GXYLT2: variants seen among roughly 807,000 people sequenced by gnomAD.
The protein encoded by GXYLT2 is glycosyltransferase 8 domain containing 4.
In GXYLT2, 53 loss-of-function variants were observed where a neutral mutation model predicts 45.8. That is an observed-to-expected ratio of 1.16 (90% CI 0.93 to 1.46). GXYLT2 has a LOEUF of 1.46. Ranked by LOEUF, GXYLT2 falls within the 40% of genes most tolerant of loss-of-function variation. The pLI is 0.00. For synonymous variants in GXYLT2, 219 were observed against 214.2 expected (o/e 1.02, Z -0.19); for missense variants, 551 against 544.4 (o/e 1.01, Z -0.12).
At chr3:72,963,167 A>T (rs931233099) in intron 5 of GXYLT2, among the ~76,000 whole-genome samples, 2 of 151,834 alleles carry the variant, frequency 1.3e-5, no homozygotes, top group Non-Finnish European at 2.9e-5. Flanking sequence ...AAAAATACAT[A>T]AAAAATAAAA....
rs192613768 is a variant in GXYLT2 at position 72,897,472 on chromosome 3, A to G, written c.275+8964A>G. Among the ~76,000 whole-genome samples the G allele has an allele frequency of 2.0e-4, 31 of 152,282 alleles. No individual in the cohort carries two copies. In the East Asian group the frequency reaches 6.0e-3, roughly 29 times the overall value. ...TGCCTCTGTTGACCTCACTTGAATAACATGTGTTTCCAATCACCGATGGCT... is the reference window on the plus strand; with the variant it reads ...TGCCTCTGTTGACCTCACTTGAATAGCATGTGTTTCCAATCACCGATGGCT... On this transcript the variant is annotated intron_variant, in intron 1 of 6. Coordinates refer to ENST00000389617, the MANE Select transcript of GXYLT2 (RefSeq NM_001080393.2).
intron 6 of GXYLT2, among the ~76,000 whole-genome samples, chr3:72,970,573 G>C (rs755222740): frequency 6.6e-6 from 1 of 152,048 alleles, no homozygotes; most frequent in Non-Finnish European, 1.5e-5. Context: ...GAAATTCGCA[G>C]AGTTGGCTGA....
intron 5 of GXYLT2, among the ~76,000 whole-genome samples, chr3:72,962,122 G>T (rs1468360177): frequency 6.6e-6 from 1 of 152,126 alleles, no homozygotes; most frequent in South Asian, 2.1e-4. Flanking sequence ...GCCCTTGAGC[G>T]TGCAACCACA....
In GXYLT2 at chr3:72,944,253, C is replaced by CT. The variant is rs1461671454; in HGVS notation, c.601-10836dup. Among the ~76,000 whole-genome samples the CT allele has an allele frequency of 8.2e-4, 39 of 47,400 alleles. 1 individual carries two copies. The South Asian group carries it at 0.011, about 14-fold the overall frequency. 31.1% of individuals were successfully genotyped at this position (47,400 alleles called of 152,430 possible). A position where few individuals can be genotyped will look rare whatever the true frequency, so the allele number is the denominator to read the frequency against. ...CAGGCACATGTCACCACACCTGGCT[C>CT]TTTTTTTTTCTTTTTTTTTTTGAGA... On this transcript the variant is annotated intron_variant, in intron 3 of 6. Coordinates refer to ENST00000389617, the MANE Select transcript of GXYLT2 (RefSeq NM_001080393.2).
chr3:72,940,943 G>A (rs943153933), intron 3 of GXYLT2, among the ~76,000 whole-genome samples: 3 of 152,160 alleles, frequency 2.0e-5, no homozygotes, highest in African/African-American at 7.2e-5. Context: ...GTCTCCCAAA[G>A]TGCTGGGATT....
chr3:72,946,366 G>C (rs912780261), intron 3 of GXYLT2, among the ~76,000 whole-genome samples: 3 of 151,242 alleles, frequency 2.0e-5, no homozygotes, highest in Admixed American at 1.3e-4. Flanking sequence ...GAAATAAAGT[G>C]AGAGAGAAGA....
intron 3 of GXYLT2, among the ~76,000 whole-genome samples, chr3:72,946,648 T>C (rs921427227): frequency 4.6e-5 from 7 of 151,882 alleles, no homozygotes; most frequent in Non-Finnish European, 8.8e-5. Flanking sequence ...TTTATAAGGG[T>C]GCTAATCCTA....
At chr3:72,911,973 G>T (rs1020175951) in intron 2 of GXYLT2, among the ~76,000 whole-genome samples, 2 of 141,638 alleles carry the variant, frequency 1.4e-5, no homozygotes, top group Admixed American at 1.4e-4. Context: ...GTGTGTGTGT[G>T]TGCATGTGTG....
intron 5 of GXYLT2, among the ~76,000 whole-genome samples, chr3:72,964,620 C>T (rs922126840): frequency 1.3e-5 from 2 of 152,236 alleles, no homozygotes; most frequent in African/African-American, 2.4e-5. Context: ...TGCACCCAGC[C>T]GAGAAAAGGT....
chr3:72,940,985 T>G (rs541520377), intron 3 of GXYLT2, among the ~76,000 whole-genome samples: 2 of 152,102 alleles, frequency 1.3e-5, no homozygotes, highest in Non-Finnish European at 2.9e-5. Flanking sequence ...GGCCCAATTT[T>G]TAAAAATAGT....
chr3:72,888,168 T>TGCC lies in GXYLT2; in HGVS notation c.-57_-55dup, dbSNP rs1192426172. The TGCC allele has an allele frequency of 2.1e-6, 2 of 972,892 alleles. No homozygotes were observed. Among genetic ancestry groups the TGCC allele is most frequent in the Non-Finnish European group, 2.4e-6 (2 of 821,234 alleles). 60.3% of individuals were successfully genotyped at this position (972,892 alleles called of 1,614,324 possible). A position where few individuals can be genotyped will look rare whatever the true frequency, so the allele number is the denominator to read the frequency against. ...CCGCCGCGCGCTGCTGCACTCATCC[T>TGCC]GCCGCCGCCGCGATGCGCAGAGGGG... On this transcript the variant is annotated 5_prime_UTR_variant, in exon 1 of 7. Coordinates refer to ENST00000389617, the MANE Select transcript of GXYLT2 (RefSeq NM_001080393.2).
intron 2 of GXYLT2, among the ~76,000 whole-genome samples, chr3:72,908,989 G>A (rs1298565517): frequency 6.6e-6 from 1 of 151,232 alleles, no homozygotes; most frequent in African/African-American, 2.4e-5. Flanking sequence ...GCCTCCCAAA[G>A]TGCTGGGGTT....
chr3:72,929,194 C>G, intron 3 of GXYLT2: 1 of 1,586,930 alleles, frequency 6.3e-7, no homozygotes. Context: ...CTTTGAAGAA[C>G]TTTGCCAAAT....
At chr3:72,889,894 T>C (rs1312000552) in intron 1 of GXYLT2, among the ~76,000 whole-genome samples, 1 of 143,570 alleles carries the variant, frequency 7.0e-6, no homozygotes, top group Non-Finnish European at 1.5e-5. Context: ...GTTTTTCTTT[T>C]GGTTTTTTTT....
chr3:72,889,896 G>GTTTTTTTTTTTTTTTTT (rs369830925), intron 1 of GXYLT2, among the ~76,000 whole-genome samples: 1 of 135,536 alleles, frequency 7.4e-6, no homozygotes, highest in African/African-American at 2.9e-5. Context: ...TTTTCTTTTG[G>GTTTTTTTTTTTTTTTTT]TTTTTTTTTT....
intron 2 of GXYLT2, among the ~76,000 whole-genome samples, chr3:72,919,230 C>A (rs1307119056): frequency 6.6e-6 from 1 of 152,130 alleles, no homozygotes; most frequent in Non-Finnish European, 1.5e-5. Context: ...TGGAAGCAAC[C>A]AAGATATCCT....
intron 3 of GXYLT2, among the ~76,000 whole-genome samples, chr3:72,939,265 G>T (rs1710251176): frequency 6.6e-6 from 1 of 151,988 alleles, no homozygotes; most frequent in Admixed American, 6.6e-5. Flanking sequence ...TGGCCAACAT[G>T]GTGAAACCCT....
At chr3:72,958,899 T>C (rs902345139) in intron 5 of GXYLT2, among the ~76,000 whole-genome samples, 1 of 151,734 alleles carries the variant, frequency 6.6e-6, no homozygotes, top group Non-Finnish European at 1.5e-5. Context: ...CCCAAAGTGC[T>C]GGGATTGTAG....
chr3:72,896,889 C>G (rs1051730568), intron 1 of GXYLT2, among the ~76,000 whole-genome samples: 2 of 151,834 alleles, frequency 1.3e-5, no homozygotes, highest in African/African-American at 4.8e-5. Context: ...AGTTCAAATC[C>G]GTTTTGTAGT....
Sources: gnomAD v4.1 joint callset for allele counts (sites outside exome capture counted in the v4.1 genomes callset) on GRCh38, gnomAD v4.1.1 for gene constraint, MANE v1.5 for transcripts, NCBI Gene and HGNC (gene_info 2026-07-23, HGNC 2026-07-21) for gene names.